PARD3B: variants seen among roughly 807,000 people sequenced by gnomAD.
PARD3B encodes par-3 family cell polarity regulator beta, also known as partitioning defective 3 homolog B.
Under a neutral mutation model 130.2 loss-of-function variants are expected in PARD3B, and 103 were observed. That is an observed-to-expected ratio of 0.79 (90% CI 0.67 to 0.93). The LOEUF is 0.93. Ranked by LOEUF, PARD3B falls within the 40% of genes least tolerant of loss-of-function variation. The pLI is 0.00. For synonymous variants in PARD3B, 583 were observed against 553.2 expected, an observed-to-expected ratio of 1.05 and a Z score of -0.76; for missense variants, 1,609 against 1,499.2, an observed-to-expected ratio of 1.07 and a Z score of -1.21.
intron 20 of PARD3B, among the ~76,000 whole-genome samples, chr2:205,465,019 A>C (rs1390173376): frequency 6.6e-6 from 1 of 152,210 alleles, no homozygotes; most frequent in African/African-American, 2.4e-5. Context: ...TGACTTCGTT[A>C]CATCTCAAAT....
chr2:204,998,706 T>G (rs989002019), intron 3 of PARD3B, among the ~76,000 whole-genome samples: 1 of 152,008 alleles, frequency 6.6e-6, no homozygotes, highest in Admixed American at 6.6e-5. Context: ...TTTTCATCTA[T>G]TAATATGATA....
At chr2:205,167,334 A>G (rs1286857833) in intron 11 of PARD3B, among the ~76,000 whole-genome samples, 1 of 152,174 alleles carries the variant, frequency 6.6e-6, no homozygotes, top group Non-Finnish European at 1.5e-5. Flanking sequence ...TATCTGGCCC[A>G]AATGTACAAT....
At chr2:204,825,391 C>T (rs1458752350) in intron 2 of PARD3B, among the ~76,000 whole-genome samples, 1 of 152,104 alleles carries the variant, frequency 6.6e-6, no homozygotes, top group Non-Finnish European at 1.5e-5. Context: ...CAGCTTGGAG[C>T]AGTTCTTTTG....
chr2:205,232,993 G>A (rs1354800591), intron 15 of PARD3B, among the ~76,000 whole-genome samples: 2 of 152,094 alleles, frequency 1.3e-5, no homozygotes, highest in South Asian at 2.1e-4. Context: ...ACATGTTTTC[G>A]AATGTAATGA....
At chr2:205,580,040 A>T (rs367679256) in intron 22 of PARD3B, among the ~76,000 whole-genome samples, 1 of 152,200 alleles carries the variant, frequency 6.6e-6, no homozygotes, top group Non-Finnish European at 1.5e-5. Flanking sequence ...TGATACTTGC[A>T]TAAAGAGATT....
At chr2:205,345,546 T>G (rs1268528099) in intron 18 of PARD3B, among the ~76,000 whole-genome samples, 1 of 151,954 alleles carries the variant, frequency 6.6e-6, no homozygotes, top group Non-Finnish European at 1.5e-5. Context: ...TAGCATGTCC[T>G]GAACTCCATC....
At chr2:205,186,532 T>TACCCA (rs2036110351) in intron 14 of PARD3B, among the ~76,000 whole-genome samples, 1 of 152,218 alleles carries the variant, frequency 6.6e-6, no homozygotes, top group Non-Finnish European at 1.5e-5. Context: ...AGAAACTGTG[T>TACCCA]ATTTTATTCC....
At chr2:204,883,455 A>ATATAAAATATATATATATATATATTTTTT (rs1377428928) in intron 2 of PARD3B, among the ~76,000 whole-genome samples, 4 of 77,268 alleles carry the variant, frequency 5.2e-5, no homozygotes, top group African/African-American at 1.1e-4. Flanking sequence ...ATATATATAT[A>ATATAAAATATATATATATATATATTTTTT]TTTTTTTTTT....
chr2:205,515,418 A>G (rs1435850271), intron 21 of PARD3B, among the ~76,000 whole-genome samples: 1 of 152,198 alleles, frequency 6.6e-6, no homozygotes, highest in Non-Finnish European at 1.5e-5. Context: ...AGAAATCACC[A>G]TACTGCTTTC....
At chr2:204,588,961 TTCTC>T (rs2032955735) in intron 1 of PARD3B, among the ~76,000 whole-genome samples, 1 of 151,970 alleles carries the variant, frequency 6.6e-6, no homozygotes, top group African/African-American at 2.4e-5. Context: ...TTTTCTTTCT[TTCTC>T]AAGCTCTTCA....
chr2:204,905,179 C>T (rs191113788), intron 2 of PARD3B, among the ~76,000 whole-genome samples: 1 of 152,276 alleles, frequency 6.6e-6, no homozygotes, highest in East Asian at 1.9e-4. Context: ...AGTGTTTCCC[C>T]TACCTCCTTC....
intron 4 of PARD3B, among the ~76,000 whole-genome samples, chr2:205,068,333 G>T (rs1018714632): frequency 2.0e-5 from 3 of 152,096 alleles, no homozygotes; most frequent in African/African-American, 4.8e-5. Context: ...CACTTTATGT[G>T]TAGTTATGTT....
At chr2:205,190,327 C>G (rs1308379504) in intron 14 of PARD3B, among the ~76,000 whole-genome samples, 2 of 152,198 alleles carry the variant, frequency 1.3e-5, no homozygotes, top group African/African-American at 4.8e-5. Context: ...GAGCAGAGCA[C>G]TTTAAATGCA....
chr2:205,160,539 G>C lies in PARD3B; in HGVS notation c.1620+1632G>C, dbSNP rs1347305. 0.7 allele frequency among the ~76,000 whole-genome samples: 106,708 copies of C among 152,046 alleles called. 37,803 individuals are homozygous for C. Among genetic ancestry groups the C allele is most frequent in the Admixed American group, 0.79 (12,052 of 15,286 alleles). Reference sequence around the variant, plus strand: ...GTTGAGCAGTAGAAAACACACTCCAGCCACGATGAAGTTATGGCAAAGATG... The same window carrying C: ...GTTGAGCAGTAGAAAACACACTCCACCCACGATGAAGTTATGGCAAAGATG... On this transcript the variant is annotated intron_variant, in intron 11 of 22. Coordinates refer to ENST00000406610, the MANE Select transcript of PARD3B (RefSeq NM_001302769.2). The surrounding 1 kb of genome is among the most constrained non-coding windows in gnomAD (Gnocchi z 4.0).
intron 4 of PARD3B, among the ~76,000 whole-genome samples, chr2:205,048,788 T>C (rs1698987131): frequency 6.6e-6 from 1 of 152,210 alleles, no homozygotes; most frequent in South Asian, 2.1e-4. Flanking sequence ...TTTCTTTTAT[T>C]ATTAAAAGAA....
At chr2:204,688,217 T>G (rs2037179426) in intron 2 of PARD3B, among the ~76,000 whole-genome samples, 1 of 152,166 alleles carries the variant, frequency 6.6e-6, no homozygotes, top group African/African-American at 2.4e-5. Flanking sequence ...ATTGGTATTG[T>G]TCTGCAGAGT....
At chr2:204,672,337 T>C (rs1280811944) in intron 1 of PARD3B, among the ~76,000 whole-genome samples, 1 of 152,222 alleles carries the variant, frequency 6.6e-6, no homozygotes, top group Admixed American at 6.5e-5. Flanking sequence ...TATGTCAACA[T>C]TTTGATTAAT....
At chr2:204,808,035 A>G (rs913835036) in intron 2 of PARD3B, among the ~76,000 whole-genome samples, 5 of 152,128 alleles carry the variant, frequency 3.3e-5, no homozygotes, top group African/African-American at 1.2e-4. Flanking sequence ...TAATGTGATT[A>G]TTACACATTG....
At chr2:204,931,141 T>C (rs1249994260) in intron 2 of PARD3B, among the ~76,000 whole-genome samples, 1 of 152,116 alleles carries the variant, frequency 6.6e-6, no homozygotes, top group Non-Finnish European at 1.5e-5. Flanking sequence ...TCAAGGACGT[T>C]TGTGGCATCA....
Sources: gnomAD v4.1 joint callset for allele counts (sites outside exome capture counted in the v4.1 genomes callset) on GRCh38, gnomAD v4.1.1 for gene constraint, Gnocchi (gnomAD v3.1) non-coding constraint, MANE v1.5 for transcripts, NCBI Gene and HGNC (gene_info 2026-07-23, HGNC 2026-07-21) for gene names.